CUL5: variants seen among roughly 807,000 people sequenced by gnomAD.
The protein encoded by CUL5 is cullin 5.
Under a neutral mutation model 108.8 loss-of-function variants are expected in CUL5, and 26 were observed. The observed-to-expected ratio is 0.24, with a 90% CI of 0.18 to 0.33. CUL5 has a LOEUF of 0.33. Among genes scored for constraint, CUL5 ranks in the 10% least tolerant of loss-of-function variants. CUL5 has a pLI of 1.00. For missense variants in CUL5, 524 were observed against 909.2 expected (o/e 0.58, Z 5.45); for synonymous variants, 334 against 298.0 (o/e 1.12, Z -1.25).
At chr11:108,022,002 A>G (rs1862338494) in intron 1 of CUL5, among the ~76,000 whole-genome samples, 1 of 151,654 alleles carries the variant, frequency 6.6e-6, no homozygotes, top group Non-Finnish European at 1.5e-5. Flanking sequence ...CTATCTACCT[A>G]TCTATCCATC....
chr11:108,071,180 T>G (rs905568569), intron 8 of CUL5, among the ~76,000 whole-genome samples: 3 of 152,258 alleles, frequency 2.0e-5, no homozygotes, highest in Non-Finnish European at 4.4e-5. Flanking sequence ...ATGATATGGC[T>G]GTATATGTAG....
At chr11:108,070,924 A>G (rs1203283473) in intron 8 of CUL5, among the ~76,000 whole-genome samples, 1 of 152,202 alleles carries the variant, frequency 6.6e-6, no homozygotes, top group Non-Finnish European at 1.5e-5. Flanking sequence ...TATTGGCGTA[A>G]ACAAAATACT....
At chr11:108,096,340 A>AC (rs1864493402) in intron 16 of CUL5, among the ~76,000 whole-genome samples, 1 of 150,978 alleles carries the variant, frequency 6.6e-6, no homozygotes. Flanking sequence ...AAAAAAAAAA[A>AC]AAAAAACAAA....
chr11:108,088,569 G>A lies in CUL5; in HGVS notation c.1221G>A (p.Leu407=), dbSNP rs1424138678. The A allele has an allele frequency of 2.5e-6, 4 of 1,611,462 alleles. No individual in the cohort carries two copies. The highest frequency in any genetic ancestry group is 1.3e-5 in the African/African-American group (1 of 74,772). ...AGCCTGAATCAAAATGCCCTGAGCT[G>A]CTTGCCAATTACTGTGACATGTTGC... ...KTQPESKCPE[L]LANYCDMLLR... Residue 407 remains leucine (L), a synonymous_variant, in exon 12 of 19, where the codon CTG becomes CTA. Transcript: ENST00000393094.
intron 2 of CUL5, among the ~76,000 whole-genome samples, chr11:108,040,232 C>T (rs1862859753): frequency 6.6e-6 from 1 of 152,178 alleles, no homozygotes; most frequent in Non-Finnish European, 1.5e-5. Flanking sequence ...GTAATCCCAA[C>T]ACTTTGGGAG....
At chr11:108,046,226 C>T (rs759703831) in intron 2 of CUL5, 44 bp from the exon 3 acceptor site, 6 of 1,334,486 alleles carry the variant, frequency 4.5e-6, no homozygotes. Context: ...TTGTTCAGTT[C>T]TTGTTTCATT....
chr11:108,064,543 A>C (rs1863626670), intron 7 of CUL5, among the ~76,000 whole-genome samples: 1 of 152,030 alleles, frequency 6.6e-6, no homozygotes, highest in African/African-American at 2.4e-5. Flanking sequence ...CCCCATCTCT[A>C]CTAAAAAAAA....
At chr11:108,065,143 A>G (rs1471181215) in intron 7 of CUL5, among the ~76,000 whole-genome samples, 1 of 151,992 alleles carries the variant, frequency 6.6e-6, no homozygotes, top group East Asian at 1.9e-4. Context: ...TTCCTGCCTC[A>G]GCCTCCCAAG....
intron 8 of CUL5, 114 bp from the exon 9 acceptor site, chr11:108,072,218 C>G (rs750232747): frequency 3.1e-5 from 26 of 830,550 alleles, no homozygotes; most frequent in Non-Finnish European, 4.4e-5. Flanking sequence ...AACAACTACT[C>G]CTAATGGCAT....
In CUL5 at chr11:108,009,228, C is replaced by G; in HGVS notation, c.-121C>G. 1 of 1,068,692 alleles carries G rather than the reference C, an allele frequency of 9.4e-7. No homozygotes were observed. The highest frequency in any genetic ancestry group is 1.4e-5 in the South Asian group (1 of 72,472). The allele number at this position is 1,068,692 out of a possible 1,614,324, so 66.2% of individuals were successfully genotyped here. On this transcript the variant is annotated 5_prime_UTR_variant, in exon 1 of 19. Coordinates refer to ENST00000393094, the MANE Select transcript of CUL5 (RefSeq NM_003478.6). ...TGTCGGCGCGCTGCTCCAGCGCCCA[C>G]CACACCCTGGTGCGGGCCGACGGGC... is the stretch of plus-strand genomic sequence containing the variant.
At chr11:108,096,119 A>G (rs903196361) in intron 16 of CUL5, among the ~76,000 whole-genome samples, 10 of 151,144 alleles carry the variant, frequency 6.6e-5, no homozygotes, top group African/African-American at 2.4e-4. Flanking sequence ...AATTATGCAC[A>G]CACACACACA....
At position 108,080,646 on chromosome 11, in the gene CUL5, G is replaced by A. The variant is rs549972286; in HGVS notation, c.1178+2406G>A. ...CTTGACCTCGTGATTTGCCCGCCTC[G>A]GCATCCCAAAGTGCTGGGATTACAG... On this transcript the variant is annotated intron_variant, in intron 11 of 18. Coordinates refer to ENST00000393094, the MANE Select transcript of CUL5 (RefSeq NM_003478.6). 7.2e-5 allele frequency among the ~76,000 whole-genome samples: 11 copies of A among 151,804 alleles called. No homozygotes were observed. The East Asian group carries it at 1.4e-3, about 19-fold the overall frequency.
intron 10 of CUL5, among the ~76,000 whole-genome samples, chr11:108,076,008 T>C (rs902691092): frequency 1.4e-4 from 21 of 152,100 alleles, no homozygotes; most frequent in Admixed American, 1.2e-3. Context: ...ATATACAGTA[T>C]AATTTGAATT....
At chr11:108,076,183 C>T (rs1001711085) in intron 10 of CUL5, among the ~76,000 whole-genome samples, 6 of 152,024 alleles carry the variant, frequency 3.9e-5, no homozygotes, top group Admixed American at 1.3e-4. Context: ...CAGGCATGCA[C>T]CACTATGTTT....
intron 1 of CUL5, among the ~76,000 whole-genome samples, chr11:108,028,690 G>A (rs1252720572): frequency 1.3e-5 from 2 of 152,082 alleles, no homozygotes; most frequent in Non-Finnish European, 2.9e-5. Flanking sequence ...ACAAAAATTA[G>A]CTGAGCGTGG....
Position 108,009,088 on chromosome 11 carries a change from T to G in CUL5, c.-261T>G. 1 of 550,864 alleles carries G rather than the reference T, an allele frequency of 1.8e-6. No homozygotes were observed. Among genetic ancestry groups the G allele is most frequent in the East Asian group, 3.1e-5 (1 of 32,696 alleles). 34.1% of individuals were successfully genotyped at this position (550,864 alleles called of 1,614,324 possible). A position where few individuals can be genotyped will look rare whatever the true frequency, so the allele number is the denominator to read the frequency against. The stretch of plus-strand genomic sequence containing the variant: ...TCGGCTCCCGTTACCTTCTCAGCAT[T>G]CGCCGTTCCGGTCTTCCTGAGCGCG... On this transcript the variant is annotated 5_prime_UTR_variant, in exon 1 of 19. The change creates a new upstream start codon in the 5' untranslated region. Transcript: ENST00000393094.
chr11:108,027,009 T>G (rs957394408), intron 1 of CUL5, among the ~76,000 whole-genome samples: 4 of 148,330 alleles, frequency 2.7e-5, no homozygotes, highest in Non-Finnish European at 6.0e-5. Context: ...AAAAAAAAAT[T>G]ATTATTTTTT....
At chr11:108,059,878 T>C (rs1172248506) in intron 7 of CUL5, among the ~76,000 whole-genome samples, 3 of 40,874 alleles carry the variant, frequency 7.3e-5, no homozygotes, top group Non-Finnish European at 1.7e-4. Flanking sequence ...AGCGAGACTC[T>C]GTCTAAAAAA....
intron 2 of CUL5, 39 bp downstream of exon 2, chr11:108,033,950 A>G: frequency 8.2e-7 from 1 of 1,217,826 alleles, no homozygotes; most frequent in Non-Finnish European, 1.2e-6. Context: ...GCATAAAGGA[A>G]ATTTTAGTGA....
Sources: allele counts gnomAD v4.1 joint callset (sites outside exome capture counted in the v4.1 genomes callset), GRCh38; gene constraint gnomAD v4.1.1; transcripts MANE v1.5; gene names NCBI Gene and HGNC (gene_info 2026-07-23, HGNC 2026-07-21).